AZIN2: variants seen among roughly 807,000 people sequenced by gnomAD.
AZIN2 encodes the protein antizyme inhibitor 2, also known as ODC antizyme inhibitor-2.
In AZIN2, 28 loss-of-function variants were observed where a neutral mutation model predicts 47.8. The ratio of observed to expected loss-of-function variants is 0.59; its 90% CI spans 0.43 to 0.80. The LOEUF (loss-of-function observed/expected upper bound fraction) is 0.80. Ranked by LOEUF, AZIN2 falls within the 30% of genes least tolerant of loss-of-function variation. The pLI is 0.00. For missense variants in AZIN2, 535 were observed against 582.5 expected, an observed-to-expected ratio of 0.92 and a Z score of 0.84; for synonymous variants, 221 against 239.4, an observed-to-expected ratio of 0.92 and a Z score of 0.71.
chr1:33,146,433 G>A, the AZIN2 span: 3 of 159,436 alleles, frequency 1.9e-5, no homozygotes, highest in South Asian at 5.4e-4. Context: ...CGATCATCCA[G>A]GGAGGCTTGT....
rs148912592 is a variant in AZIN2 at position 33,109,333 on chromosome 1, T to C, written c.1030-8569T>C. ...CTCTTAACATTTTCTTTTTCTTTTT[T>C]TTTTTTTTTAAGTTAGAGTCTTGCT... is the stretch of plus-strand genomic sequence containing the variant. On this transcript the variant is annotated intron_variant, in intron 10 of 11. Coordinates refer to ENST00000294517, the MANE Select transcript of AZIN2 (RefSeq NM_052998.4). Among the ~76,000 whole-genome samples, 1,019 of 152,022 alleles carry C rather than the reference T, an allele frequency of 6.7e-3. 5 individuals carry two copies. The highest frequency in any genetic ancestry group is 0.01 in the Non-Finnish European group (698 of 67,942).
the AZIN2 span, chr1:33,146,057 T>C: frequency 5.5e-6 from 2 of 363,130 alleles, no homozygotes; most frequent in Middle Eastern, 4.2e-4. Flanking sequence ...CTTTCTGGCA[T>C]AGTGGCTTCC....
In AZIN2 at chr1:33,120,469, T is replaced by C; in HGVS notation, c.*287T>C. 2.5e-6 allele frequency: 1 copy of C among 400,292 alleles called. No individual in the cohort carries two copies. Among genetic ancestry groups the C allele is most frequent in the Non-Finnish European group, 4.5e-6 (1 of 223,660 alleles). The allele number at this position is 400,292 out of a possible 1,614,324, so 24.8% of individuals were successfully genotyped here. On this transcript the variant is annotated 3_prime_UTR_variant, in exon 12 of 12. Coordinates refer to ENST00000294517, the MANE Select transcript of AZIN2 (RefSeq NM_052998.4). ...GGGGTGTTCTTGGGGTCTCCTTTGG[T>C]CTCCTTCCCACCTTTGTAAATATAA...
the AZIN2 span, among the ~76,000 whole-genome samples, chr1:33,151,656 C>T: frequency 1.3e-5 from 2 of 152,138 alleles, no homozygotes; most frequent in African/African-American, 2.4e-5. Context: ...TTCTAAGTCC[C>T]GGGACACCAA....
chr1:33,127,452 C>T (rs933812770), downstream of AZIN2, among the ~76,000 whole-genome samples: 24 of 152,266 alleles, frequency 1.6e-4, no homozygotes, highest in Non-Finnish European at 2.9e-4. Context: ...AGGCGCAGCT[C>T]AGTCTTCCAA....
At chr1:33,147,672 C>T in the AZIN2 span, 1,165 of 1,613,830 alleles carry the variant, frequency 7.2e-4, 11 homozygotes, top group African/African-American at 0.014. The surrounding 1 kb of genome is among the most constrained non-coding windows in gnomAD (Gnocchi z 8.1). Context: ...TGCAGTCGTC[C>T]GACAGGATCA....
At position 33,093,221 on chromosome 1, in the gene AZIN2, G is replaced by T. The variant is rs756036408; in HGVS notation, c.453-61G>T. The T allele has an allele frequency of 6.2e-6, 10 of 1,601,618 alleles. 2 individuals are homozygous for T. The South Asian group carries it at 1.1e-4, about 18-fold the overall frequency. On this transcript the variant is annotated intron_variant, in intron 6 of 11. Coordinates refer to ENST00000294517, the MANE Select transcript of AZIN2 (RefSeq NM_052998.4). The stretch of plus-strand genomic sequence containing the variant: ...TGTAGCTCACAGCCCTTGATTGAGA[G>T]ATGTGGCTGGGGTGGGGCGACAGGG...
In AZIN2 at chr1:33,120,974, C is replaced by T. The variant is rs771478761; in HGVS notation, c.*792C>T. Among the ~76,000 whole-genome samples the T allele has an allele frequency of 2.6e-5, 4 of 152,190 alleles. No individual in the cohort carries two copies. Among genetic ancestry groups the T allele is most frequent in the Non-Finnish European group, 5.9e-5 (4 of 68,020 alleles). ...AAGGCAGTCAGAGTAAAGCAGACAC[C>T]TGGTGGTCGCTTTTGCTTCTTTGGG... On this transcript the variant is annotated 3_prime_UTR_variant, in exon 12 of 12. Coordinates refer to ENST00000294517, the MANE Select transcript of AZIN2 (RefSeq NM_052998.4).
At chr1:33,106,189 G>C (rs971146796) in intron 10 of AZIN2, among the ~76,000 whole-genome samples, 2 of 152,028 alleles carry the variant, frequency 1.3e-5, no homozygotes, top group Admixed American at 6.6e-5. Context: ...TAAATTCCTA[G>C]ACAAATATTA....
At chr1:33,087,348 G>T (rs972616808) in intron 5 of AZIN2, among the ~76,000 whole-genome samples, 2 of 151,878 alleles carry the variant, frequency 1.3e-5, no homozygotes, top group Non-Finnish European at 2.9e-5. Context: ...GGTCAGGCTG[G>T]TCTCGAACTC....
At chr1:33,137,387 C>T in the AZIN2 span, among the ~76,000 whole-genome samples, 1 of 152,044 alleles carries the variant, frequency 6.6e-6, no homozygotes, top group Non-Finnish European at 1.5e-5. Flanking sequence ...AGAGGACAGC[C>T]CATAATAATT....
chr1:33,139,937 A>G, the AZIN2 span, among the ~76,000 whole-genome samples: 1 of 151,896 alleles, frequency 6.6e-6, no homozygotes, highest in Admixed American at 6.6e-5. Context: ...ACCATCAGCT[A>G]CTCTTCCGGG....
the AZIN2 span, among the ~76,000 whole-genome samples, chr1:33,129,807 G>A: frequency 6.6e-6 from 1 of 152,188 alleles, no homozygotes; most frequent in African/African-American, 2.4e-5. This position sits in a 1 kb window ranked among gnomAD's most constrained non-coding sequence, Gnocchi z 4.1. Context: ...CGAAGTATCA[G>A]CAAGTCATCA....
chr1:33,096,810 C>T lies in AZIN2; in HGVS notation c.857C>T (p.Thr286Ile), dbSNP rs1335305842. The T allele has an allele frequency of 1.2e-6, 2 of 1,614,106 alleles. No individual in the cohort carries two copies. Among genetic ancestry groups the T allele is most frequent in the Non-Finnish European group, 1.7e-6 (2 of 1,180,058 alleles). Residue 286 changes from threonine (T) to isoleucine (I), a missense_variant, in exon 9 of 12, where the codon ACT becomes ATT. Thr to Ile is a moderately conservative substitution (Grantham distance 89). Transcript: ENST00000294517. ...CGCTACTACGTGACCTCGGCCTTCACTGTGGCAGTCAGCATCATTGCCAAG... is the reference window on the plus strand; with the variant it reads ...CGCTACTACGTGACCTCGGCCTTCATTGTGGCAGTCAGCATCATTGCCAAG... ...LGRYYVTSAF[T>I]VAVSIIAKKE...
intron 3 of AZIN2, 75 bp from the exon 4 acceptor site, chr1:33,082,103 C>T (rs1264273450): frequency 2.9e-6 from 2 of 685,350 alleles, no homozygotes; most frequent in Admixed American, 4.2e-5. Context: ...GGATTGGGAT[C>T]CCTGGCCTCG....
intron 6 of AZIN2, 122 bp from the exon 7 acceptor site, chr1:33,093,160 G>T: frequency 1.5e-6 from 2 of 1,331,708 alleles, no homozygotes; most frequent in Non-Finnish European, 2.1e-6. Flanking sequence ...AGAGGGAGGG[G>T]TCAGGGAGCC....
At chr1:33,107,868 G>C (rs151097285) in intron 10 of AZIN2, among the ~76,000 whole-genome samples, 2 of 152,202 alleles carry the variant, frequency 1.3e-5, no homozygotes, top group East Asian at 3.9e-4. Context: ...TTGTGAATTG[G>C]AAGAATTAAT....
At chr1:33,159,955 C>G in the AZIN2 span, 1 of 1,599,190 alleles carries the variant, frequency 6.3e-7, no homozygotes, top group Non-Finnish European at 8.5e-7. The surrounding 1 kb of genome is among the most constrained non-coding windows in gnomAD (Gnocchi z 4.2). Flanking sequence ...CTGTGGGGGA[C>G]AGTCGTCAGG....
chr1:33,115,346 A>C (rs1644490257), intron 10 of AZIN2, among the ~76,000 whole-genome samples: 1 of 152,128 alleles, frequency 6.6e-6, no homozygotes, highest in Non-Finnish European at 1.5e-5. Context: ...GACTTGTAAA[A>C]ATAGCTGAGA....
Sources: allele counts gnomAD v4.1 joint callset (sites outside exome capture counted in the v4.1 genomes callset), GRCh38; gene constraint gnomAD v4.1.1; non-coding constraint Gnocchi (gnomAD v3.1); transcripts MANE v1.5; gene names NCBI Gene and HGNC (gene_info 2026-07-23, HGNC 2026-07-21).